Variants in HOMER2 observed in about 807,000 individuals in gnomAD.
The protein encoded by HOMER2 is homer scaffold protein 2.
Under a neutral mutation model 47.0 loss-of-function variants are expected in HOMER2, and 27 were observed. That is an observed-to-expected ratio of 0.57 (90% CI 0.42 to 0.79). HOMER2 has a LOEUF of 0.79. Ranked by LOEUF, HOMER2 falls within the 30% of genes least tolerant of loss-of-function variation. The probability of loss-of-function intolerance (pLI) is 0.00; values close to 1 mark genes in which losing one functional copy is unlikely to be tolerated. For missense variants in HOMER2, 443 were observed against 435.0 expected (o/e 1.02, Z -0.16); for synonymous variants, 161 against 163.8 (o/e 0.98, Z 0.13).
intron 1 of HOMER2, among the ~76,000 whole-genome samples, chr15:82,940,918 C>T (rs2151217706): frequency 6.6e-6 from 1 of 152,134 alleles, no homozygotes; most frequent in African/African-American, 2.4e-5. Context: ...ATCTAACTCT[C>T]ACCCCCAGTG....
At chr15:82,948,948 G>T (rs1159792202) in intron 1 of HOMER2, among the ~76,000 whole-genome samples, 1 of 152,236 alleles carries the variant, frequency 6.6e-6, no homozygotes, top group Non-Finnish European at 1.5e-5. Context: ...GGCCTGTTAG[G>T]AAAGAGGTGA....
intron 1 of HOMER2, among the ~76,000 whole-genome samples, chr15:82,934,508 C>G (rs929883286): frequency 6.6e-6 from 1 of 151,968 alleles, no homozygotes; most frequent in Non-Finnish European, 1.5e-5. Flanking sequence ...CCTCCCAGTT[C>G]CCCGCACATG....
Position 82,913,154 on chromosome 15 carries a change from C to A in HOMER2, c.6-20313G>T, listed in dbSNP as rs1353995985. Among the ~76,000 whole-genome samples the A allele has an allele frequency of 2.0e-5, 3 of 152,030 alleles. No individual in the cohort carries two copies. The East Asian group carries it at 5.8e-4, about 29-fold the overall frequency. On this transcript the variant is annotated intron_variant, in intron 1 of 8. Transcript: ENST00000450735. The surrounding 1 kb of genome is among the most constrained non-coding windows in gnomAD (Gnocchi z 4.1). ...TGGGCAGGCCATATTTCAAAGACGA[C>A]GAAGATGTCATACTGGACTCTGCTA...
intron 8 of HOMER2, 74 bp from the exon 9 acceptor site, chr15:82,849,977 A>C: frequency 1.4e-6 from 2 of 1,463,598 alleles, no homozygotes; most frequent in Non-Finnish European, 1.9e-6. Flanking sequence ...GCTACAGCTG[A>C]ACCAACCATT....
chr15:82,897,068 T>TTTTC (rs1555424980), intron 1 of HOMER2, among the ~76,000 whole-genome samples: 3 of 128,332 alleles, frequency 2.3e-5, no homozygotes, highest in African/African-American at 3.8e-5. Context: ...GTCATTTCTT[T>TTTTC]TTTTTTTTTT....
chr15:82,928,047 G>T (rs1346222307), intron 1 of HOMER2, among the ~76,000 whole-genome samples: 1 of 151,746 alleles, frequency 6.6e-6, no homozygotes. Flanking sequence ...CTGCCCATGT[G>T]GGATGACTGC....
chr15:82,948,895 G>C (rs1445105949), intron 1 of HOMER2, among the ~76,000 whole-genome samples: 1 of 152,254 alleles, frequency 6.6e-6, no homozygotes, highest in Admixed American at 6.5e-5. Context: ...TTAGGCTTCT[G>C]TGTGAAAAAT....
Position 82,869,408 on chromosome 15 carries a change from T to C in HOMER2, c.295-5149A>G, listed in dbSNP as rs553955557. Among the ~76,000 whole-genome samples, 13 of 151,568 alleles carry C rather than the reference T, an allele frequency of 8.6e-5. No individual in the cohort carries two copies. The South Asian group carries it at 1.9e-3, about 22-fold the overall frequency. On this transcript the variant is annotated intron_variant, in intron 3 of 8. Transcript: ENST00000450735. The stretch of plus-strand genomic sequence containing the variant: ...GCCTCTTTTGAAATAAACAATATGA[T>C]ATTAATACTTCCATGCAATTATATG...
At chr15:82,939,276 C>G (rs904430842) in intron 1 of HOMER2, among the ~76,000 whole-genome samples, 2 of 152,210 alleles carry the variant, frequency 1.3e-5, no homozygotes, top group Admixed American at 1.3e-4. Flanking sequence ...AATGGTAATT[C>G]AGCCTCTTGC....
chr15:82,896,197 C>A (rs1160911327), intron 1 of HOMER2, among the ~76,000 whole-genome samples: 1 of 152,032 alleles, frequency 6.6e-6, no homozygotes, highest in East Asian at 1.9e-4. Flanking sequence ...GAGATGAGTG[C>A]GGCCTGTGGT....
At chr15:82,954,350 G>A (rs1292183768), upstream of HOMER2, among the ~76,000 whole-genome samples, 2 of 151,690 alleles carry the variant, frequency 1.3e-5, no homozygotes, top group Admixed American at 1.3e-4. Flanking sequence ...AGAGTGCAGT[G>A]GCAGTGGCGT....
intron 1 of HOMER2, among the ~76,000 whole-genome samples, chr15:82,967,867 A>G (rs1382909184): frequency 6.6e-6 from 1 of 150,886 alleles, no homozygotes; most frequent in African/African-American, 2.4e-5. Flanking sequence ...ACAGAGCAAG[A>G]CTCTGTCTCA....
Position 82,849,691 on chromosome 15 carries a change from G to C in HOMER2, c.*24C>G, listed in dbSNP as rs750095599. The C allele has an allele frequency of 6.2e-7, 1 of 1,602,968 alleles. No homozygotes were observed. The highest frequency in any genetic ancestry group is 1.1e-5 in the South Asian group (1 of 89,856). ...TCGCACACACGCTTGGGACTCACGG[G>C]CGGGGCCTGGGCCTCGGCCAGCCCT... is the stretch of plus-strand genomic sequence containing the variant. On this transcript the variant is annotated 3_prime_UTR_variant, in exon 9 of 9. Coordinates refer to ENST00000450735, the MANE Select transcript of HOMER2 (RefSeq NM_004839.4).
intron 1 of HOMER2, among the ~76,000 whole-genome samples, chr15:82,902,917 T>C (rs2053168033): frequency 1.3e-5 from 2 of 152,264 alleles, no homozygotes. Flanking sequence ...CAAATGTGAA[T>C]AATCTCCCAG....
chr15:82,893,079 T>C (rs980790256), intron 1 of HOMER2, among the ~76,000 whole-genome samples: 1 of 152,200 alleles, frequency 6.6e-6, no homozygotes, highest in African/African-American at 2.4e-5. Flanking sequence ...ATTGGTGTAA[T>C]GAACAATTTG....
intron 1 of HOMER2, among the ~76,000 whole-genome samples, chr15:82,907,585 AAAT>A (rs2053325749): frequency 1.3e-5 from 2 of 152,208 alleles, no homozygotes; most frequent in Non-Finnish European, 2.9e-5. Context: ...AAGAAGCAGA[AAAT>A]CAGTACATAG....
chr15:82,858,969 G>A (rs1335678286), intron 5 of HOMER2, 60 bp downstream of exon 5: 23 of 1,552,656 alleles, frequency 1.5e-5, no homozygotes, highest in Non-Finnish European at 2.0e-5. Flanking sequence ...CAGCAAGAAA[G>A]GCTTCTAGGG....
chr15:82,847,203 G>A (rs1596296826), downstream of HOMER2: 1 of 152,192 alleles, frequency 6.6e-6, no homozygotes, highest in Non-Finnish European at 1.5e-5. Context: ...ACGAGGGCAC[G>A]TCACACCAGC....
chr15:82,902,596 C>T (rs563110617), intron 1 of HOMER2, among the ~76,000 whole-genome samples: 2 of 152,208 alleles, frequency 1.3e-5, no homozygotes, highest in African/African-American at 4.8e-5. Flanking sequence ...AAAATCTTCC[C>T]GAAGGAACCG....
Sources: allele counts gnomAD v4.1 joint callset (sites outside exome capture counted in the v4.1 genomes callset), GRCh38; gene constraint gnomAD v4.1.1; non-coding constraint Gnocchi (gnomAD v3.1); transcripts MANE v1.5; gene names NCBI Gene and HGNC (gene_info 2026-07-23, HGNC 2026-07-21).